Variants in KCNH7 observed in about 807,000 individuals in gnomAD.
The protein encoded by KCNH7 is voltage-gated inwardly rectifying potassium channel KCNH7.
Under a neutral mutation model 120.8 loss-of-function variants are expected in KCNH7, and 49 were observed. The ratio of observed to expected loss-of-function variants is 0.41; its 90% CI spans 0.32 to 0.51. KCNH7 has a LOEUF of 0.51. KCNH7 is among the 20% of genes least tolerant of loss of function. The pLI, the probability that KCNH7 is intolerant of heterozygous loss-of-function variation, is 0.38. For missense variants in KCNH7, 1,097 were observed against 1,446.6 expected (o/e 0.76, Z 3.92); for synonymous variants, 547 against 516.1 (o/e 1.06, Z -0.81).
chr2:162,530,797 G>A (rs147935115), intron 3 of KCNH7, among the ~76,000 whole-genome samples: 2 of 148,480 alleles, frequency 1.3e-5, no homozygotes, highest in Non-Finnish European at 2.9e-5. Context: ...ACACTGGTAG[G>A]AACATTATAC....
chr2:162,782,626 T>C (rs1323305577), intron 2 of KCNH7, among the ~76,000 whole-genome samples: 1 of 152,150 alleles, frequency 6.6e-6, no homozygotes, highest in East Asian at 1.9e-4. Context: ...TTGGCTTTAA[T>C]AATGAGGATA....
intron 2 of KCNH7, among the ~76,000 whole-genome samples, chr2:162,556,670 CAT>C (rs1692868090): frequency 6.6e-6 from 1 of 152,150 alleles, no homozygotes; most frequent in Non-Finnish European, 1.5e-5. Flanking sequence ...TCCTTTTTAA[CAT>C]AAATTCAAAT....
intron 2 of KCNH7, among the ~76,000 whole-genome samples, chr2:162,808,626 T>C (rs1261512564): frequency 6.6e-6 from 1 of 152,152 alleles, no homozygotes; most frequent in Non-Finnish European, 1.5e-5. Context: ...TTAAGGGAGT[T>C]TGAAAATATG....
chr2:162,389,661 C>G (rs1234891288), intron 12 of KCNH7, among the ~76,000 whole-genome samples: 3 of 152,020 alleles, frequency 2.0e-5, no homozygotes, highest in Non-Finnish European at 4.4e-5. Context: ...TGTATAATAT[C>G]AGCAAGAACT....
intron 2 of KCNH7, among the ~76,000 whole-genome samples, chr2:162,698,503 T>C (rs1686377248): frequency 6.6e-6 from 1 of 151,926 alleles, no homozygotes; most frequent in South Asian, 2.1e-4. Context: ...AAAAAAAAGG[T>C]TTGTATTTCA....
chr2:162,701,874 G>A (rs1283112810), intron 2 of KCNH7, among the ~76,000 whole-genome samples: 1 of 152,052 alleles, frequency 6.6e-6, no homozygotes, highest in Non-Finnish European at 1.5e-5. Context: ...GGGCATGGTG[G>A]TACATGCCTG....
At chr2:162,460,050 T>A (rs115663400) in intron 6 of KCNH7, among the ~76,000 whole-genome samples, 1,867 of 136,032 alleles carry the variant, frequency 0.014, 44 homozygotes, top group African/African-American at 0.05. Context: ...GCTAAGATGG[T>A]GCCACAGCAC....
intron 2 of KCNH7, among the ~76,000 whole-genome samples, chr2:162,761,941 C>A (rs1457596596): frequency 6.6e-6 from 1 of 151,960 alleles, no homozygotes; most frequent in Non-Finnish European, 1.5e-5. Flanking sequence ...CAACTTTTTT[C>A]TCCCTTAATG....
At chr2:162,581,642 A>G (rs1443996703) in intron 2 of KCNH7, among the ~76,000 whole-genome samples, 1 of 152,046 alleles carries the variant, frequency 6.6e-6, no homozygotes, top group East Asian at 1.9e-4. Context: ...TTTCTTACCC[A>G]AGATGCAAAC....
intron 2 of KCNH7, among the ~76,000 whole-genome samples, chr2:162,603,687 G>A (rs1694634222): frequency 1.3e-5 from 2 of 151,952 alleles, no homozygotes; most frequent in African/African-American, 4.8e-5. Flanking sequence ...CAAGAAATAA[G>A]TAAACTATCA....
intron 7 of KCNH7, among the ~76,000 whole-genome samples, chr2:162,444,174 T>C (rs1260287681): frequency 6.6e-6 from 1 of 152,196 alleles, no homozygotes; most frequent in African/African-American, 2.4e-5. Flanking sequence ...TGTTTATTAA[T>C]GGTCTTTTGC....
intron 2 of KCNH7, among the ~76,000 whole-genome samples, chr2:162,564,545 T>C (rs947289880): frequency 1.3e-5 from 2 of 152,174 alleles, no homozygotes; most frequent in African/African-American, 4.8e-5. Context: ...TGCTTTTCTT[T>C]CTTGGAAAAC....
chr2:162,466,394 G>A (rs1444451744), intron 6 of KCNH7, among the ~76,000 whole-genome samples: 3 of 152,122 alleles, frequency 2.0e-5, no homozygotes, highest in African/African-American at 7.2e-5. Context: ...AAGTAAACAC[G>A]TCCTTCTACA....
At chr2:162,692,052 CATCTATTTATCAT>C (rs1686128374) in intron 2 of KCNH7, among the ~76,000 whole-genome samples, 8 of 151,836 alleles carry the variant, frequency 5.3e-5, no homozygotes, top group Admixed American at 5.2e-4. Flanking sequence ...TGATAACCTG[CATCTATTTATCAT>C]TAAGACAATG....
intron 2 of KCNH7, among the ~76,000 whole-genome samples, chr2:162,805,058 A>G (rs1274761114): frequency 1.3e-5 from 2 of 151,826 alleles, no homozygotes; most frequent in Admixed American, 6.6e-5. Flanking sequence ...CTGGATCCCT[A>G]TCTCTCACCC....
chr2:162,652,835 A>T (rs1430004558), intron 2 of KCNH7, among the ~76,000 whole-genome samples: 1 of 152,232 alleles, frequency 6.6e-6, no homozygotes, highest in Admixed American at 6.5e-5. Flanking sequence ...TTTTCTTTAT[A>T]AAGCATACAC....
At chr2:162,556,966 A>G (rs887155303) in intron 2 of KCNH7, among the ~76,000 whole-genome samples, 4 of 152,258 alleles carry the variant, frequency 2.6e-5, no homozygotes, top group African/African-American at 9.6e-5. Flanking sequence ...AAAGTCTTGC[A>G]GCAGATCAGT....
intron 2 of KCNH7, among the ~76,000 whole-genome samples, chr2:162,706,642 C>A (rs1057374768): frequency 1.3e-5 from 2 of 152,068 alleles, no homozygotes; most frequent in Non-Finnish European, 2.9e-5. Flanking sequence ...ACTGGTGCTT[C>A]TGTAACATGT....
intron 2 of KCNH7, among the ~76,000 whole-genome samples, chr2:162,696,439 A>G (rs1016760437): frequency 2.0e-5 from 3 of 152,142 alleles, no homozygotes; most frequent in Non-Finnish European, 4.4e-5. Flanking sequence ...TTTGCTGTGG[A>G]AAATAAAGAA....
Sources: gnomAD v4.1 joint callset for allele counts (sites outside exome capture counted in the v4.1 genomes callset) on GRCh38, gnomAD v4.1.1 for gene constraint, MANE v1.5 for transcripts, NCBI Gene and HGNC (gene_info 2026-07-23, HGNC 2026-07-21) for gene names.